The following WDR83 variants were observed in gnomAD, a reference collection of about 807,000 sequenced individuals.
WDR83 encodes the protein WD repeat domain-containing protein 83.
WDR83 carries 37 observed loss-of-function variants against 37.7 expected under a neutral mutation model. That is an observed-to-expected ratio of 0.98 (90% CI 0.76 to 1.29). WDR83 has a LOEUF of 1.29. Among genes scored for constraint, WDR83 ranks in the 50% most tolerant of loss-of-function variants. The probability of loss-of-function intolerance (pLI) is 0.00; values close to 1 mark genes in which losing one functional copy is unlikely to be tolerated. For missense variants in WDR83, 445 were observed against 414.4 expected (o/e 1.07, Z -0.64); for synonymous variants, 174 against 181.1 (o/e 0.96, Z 0.31).
Position 12,675,810 on chromosome 19 carries a change from G to T in WDR83, c.*138G>T. On this transcript the variant is annotated 3_prime_UTR_variant, in exon 11 of 11. Coordinates refer to ENST00000418543, the MANE Select transcript of WDR83 (RefSeq NM_001099737.3). ...CTGCAAATTAATAAATAGAAGAGGG[G>T]GTAAGACCTTCCTGGGACCGCAGCC... 1 of 1,574,574 alleles carries T rather than the reference G, an allele frequency of 6.4e-7. No homozygotes were observed. Among genetic ancestry groups the T allele is most frequent in the South Asian group, 1.2e-5 (1 of 86,100 alleles).
Position 12,672,844 on chromosome 19 carries a change from C to CA in WDR83, c.507-2dup. The CA allele has an allele frequency of 6.3e-7, 1 of 1,578,192 alleles. No individual in the cohort carries two copies. The highest frequency in any genetic ancestry group is 8.6e-7 in the Non-Finnish European group (1 of 1,161,962). On this transcript the variant is annotated splice_region_variant and splice_polypyrimidine_tract_variant and intron_variant, in intron 7 of 10. Coordinates refer to ENST00000418543, the MANE Select transcript of WDR83 (RefSeq NM_001099737.3). ...TTCCCGCTGGATCTACCCTCTCCTG[C>CA]AGCTCCGTGGATGGCCGCGTGAGAC...
intron 7 of WDR83, 39 bp downstream of exon 7, chr19:12,670,860 C>G (rs773237136): frequency 6.3e-7 from 1 of 1,594,808 alleles, no homozygotes; most frequent in Non-Finnish European, 8.5e-7. Context: ...CCAGGTGCTA[C>G]GGGGAATCAT....
Position 12,668,568 on chromosome 19 carries a change from G to T in WDR83, c.-96G>T. 6.2e-7 allele frequency: 1 copy of T among 1,614,106 alleles called. No individual in the cohort carries two copies. Among genetic ancestry groups the T allele is most frequent in the Non-Finnish European group, 8.5e-7 (1 of 1,180,010 alleles). Reference sequence around the variant, plus strand: ...CGTGTCCTCCGAGCTCCGAGAGTTGGCAAAGCTGATGAAGGAGCAGTAGAC... The same window carrying T: ...CGTGTCCTCCGAGCTCCGAGAGTTGTCAAAGCTGATGAAGGAGCAGTAGAC... On this transcript the variant is annotated 5_prime_UTR_variant, in exon 2 of 11. Transcript: ENST00000418543.
At position 12,669,399 on chromosome 19, in the gene WDR83, G is replaced by C. The variant is rs61742430; in HGVS notation, c.-36-356G>C. On this transcript the variant is annotated intron_variant, in intron 2 of 10. Transcript: ENST00000418543. ...CCGTGGGTCCGACATATTGTTAGTGGACATAGCGAGTCGAAGGCCAGATCA... is the reference window on the plus strand; with the variant it reads ...CCGTGGGTCCGACATATTGTTAGTGCACATAGCGAGTCGAAGGCCAGATCA... The C allele has an allele frequency of 7.8e-5, 125 of 1,597,110 alleles. No individual in the cohort carries two copies. The highest frequency in any genetic ancestry group is 2.3e-4 in the Admixed American group (13 of 57,418).
At chr19:12,672,704 TG>T in intron 7 of WDR83, 142 bp from the exon 8 acceptor site, 1 of 821,634 alleles carries the variant, frequency 1.2e-6, no homozygotes, top group Non-Finnish European at 2.0e-6. Context: ...TAATTGGCCC[TG>T]GGCCTGAGTC....
At chr19:12,668,286 C>T in intron 1 of WDR83, 1 of 1,478,006 alleles carries the variant, frequency 6.8e-7, no homozygotes, top group Non-Finnish European at 9.3e-7. Context: ...CAGCTGAAGG[C>T]AGCAGGTTTA....
chr19:12,670,689 TCA>T lies in WDR83; in HGVS notation c.380-3_380-2del, dbSNP rs745659793. 2.5e-6 allele frequency: 4 copies of T among 1,614,188 alleles called. No individual in the cohort carries two copies. Among genetic ancestry groups the T allele is most frequent in the Middle Eastern group, 1.6e-4 (1 of 6,062 alleles). On this transcript the variant is annotated splice_region_variant and splice_polypyrimidine_tract_variant and intron_variant, in intron 6 of 10. Coordinates refer to ENST00000418543, the MANE Select transcript of WDR83 (RefSeq NM_001099737.3). ...ACCTGACCTCACCATCATGCTGGCCTCACAGGCTCTATTGATTCCAGTATCCG... is the reference window on the plus strand; with the variant it reads ...ACCTGACCTCACCATCATGCTGGCCTCAGGCTCTATTGATTCCAGTATCCG...
chr19:12,670,878 C>G (rs888765604), intron 7 of WDR83, 57 bp downstream of exon 7: 4 of 1,572,768 alleles, frequency 2.5e-6, no homozygotes, highest in Non-Finnish European at 2.6e-6. Context: ...CATAGCTGCC[C>G]CCATGCTCAG....
intron 7 of WDR83, chr19:12,671,035 A>T: frequency 1.4e-6 from 1 of 693,608 alleles, no homozygotes; most frequent in Non-Finnish European, 2.2e-6. Flanking sequence ...TCTACAAAAT[A>T]ATAATAATCT....
intron 2 of WDR83, 42 bp downstream of exon 2, chr19:12,668,669 C>T (rs1286737130): frequency 1.4e-6 from 2 of 1,481,154 alleles, no homozygotes; most frequent in East Asian, 2.3e-5. Context: ...AACAATGAGT[C>T]CCCGAAGCCA....
In WDR83 at chr19:12,672,873, A is replaced by T; in HGVS notation, c.533A>T (p.Tyr178Phe). ...AGSVDGRVRR[Y>F]DLRMGQLFSD... ...TCCGTGGATGGCCGCGTGAGACGCT[A>T]TGACCTAAGGATGGGGCAGCTCTTC... The change falls in exon 8 of 11, where the codon TAT (tyrosine) becomes TTT (phenylalanine). Residue 178 changes from tyrosine to phenylalanine, a missense_variant. By Grantham distance (22) the Tyr-to-Phe change is conservative. Transcript: ENST00000418543. 6.3e-7 allele frequency: 1 copy of T among 1,593,994 alleles called. No individual in the cohort carries two copies. Among genetic ancestry groups the T allele is most frequent in the Non-Finnish European group, 8.5e-7 (1 of 1,170,154 alleles).
chr19:12,674,655 T>C (rs889985396), intron 10 of WDR83, among the ~76,000 whole-genome samples: 9 of 152,092 alleles, frequency 5.9e-5, no homozygotes, highest in African/African-American at 1.4e-4. Flanking sequence ...GTGGGGATCA[T>C]TGGGGCTGCC....
chr19:12,670,146 G>A (rs2024368305), intron 4 of WDR83, 34 bp from the exon 5 acceptor site: 1 of 1,608,072 alleles, frequency 6.2e-7, no homozygotes, highest in African/African-American at 1.3e-5. Context: ...TGGGATCCGA[G>A]GTCGATGCTG....
At chr19:12,673,373 C>G in intron 10 of WDR83, 57 bp downstream of exon 10, 1 of 1,194,962 alleles carries the variant, frequency 8.4e-7, no homozygotes, top group Non-Finnish European at 1.2e-6. Flanking sequence ...TCAGCCCTGT[C>G]CTTACCTCAG....
chr19:12,671,664 TTAAA>T (rs879524599), intron 7 of WDR83, among the ~76,000 whole-genome samples: 3 of 152,092 alleles, frequency 2.0e-5, no homozygotes, highest in Non-Finnish European at 2.9e-5. Context: ...AGTAAATAAA[TTAAA>T]TAAATAAATA....
At chr19:12,671,220 C>T (rs532316044) in intron 7 of WDR83, 11 of 175,130 alleles carry the variant, frequency 6.3e-5, no homozygotes, top group South Asian at 5.7e-4. Context: ...CCCAGCCACT[C>T]GGGAGGCGGA....
rs763223549 is a variant in WDR83, at chr19:12,673,325, C to T, written c.798+9C>T. On this transcript the variant is annotated intron_variant, in intron 10 of 10. Transcript: ENST00000418543. ...TCTGGGACCTGGTGGAGGTGAGGTG[C>T]CCCCAGCCCTACTTCATACCTAGAT... The T allele has an allele frequency of 6.0e-5, 96 of 1,608,548 alleles. 1 individual carries two copies. The East Asian group carries it at 2.1e-3, about 35-fold the overall frequency.
chr19:12,672,824 G>T (rs763882368), intron 7 of WDR83, 23 bp from the exon 8 acceptor site: 4 of 1,564,270 alleles, frequency 2.6e-6, no homozygotes, highest in Non-Finnish European at 3.5e-6. Context: ...CAAGGTTCCC[G>T]CTGGATCTAC....
intron 2 of WDR83, 44 bp from the exon 3 acceptor site, chr19:12,669,711 T>A (rs918182659): frequency 7.2e-7 from 1 of 1,391,630 alleles, no homozygotes; most frequent in African/African-American, 1.4e-5. Flanking sequence ...ATAATAAGGT[T>A]ACACCCAAGC....
Sources: allele counts gnomAD v4.1 joint callset (sites outside exome capture counted in the v4.1 genomes callset), GRCh38; gene constraint gnomAD v4.1.1; transcripts MANE v1.5; gene names NCBI Gene and HGNC (gene_info 2026-07-23, HGNC 2026-07-21).